C2orf42: variants seen among roughly 807,000 people sequenced by gnomAD.
The protein encoded by C2orf42 is chromosome 2 open reading frame 42.
Under a neutral mutation model 58.9 loss-of-function variants are expected in C2orf42, and 44 were observed. That is an observed-to-expected ratio of 0.75 (90% confidence interval 0.59 to 0.96). The LOEUF (loss-of-function observed/expected upper bound fraction) is 0.96, where lower values mean the gene tolerates loss of function less well. Ranked by LOEUF, C2orf42 falls within the 40% of genes least tolerant of loss-of-function variation. The probability of loss-of-function intolerance (pLI) is 0.00; values close to 1 mark genes in which losing one functional copy is unlikely to be tolerated. For synonymous variants in C2orf42, 239 were observed against 265.4 expected (o/e 0.90, Z 0.97); for missense variants, 630 against 699.2 (o/e 0.90, Z 1.12).
chr2:70,166,525 A>T (rs1673417757), intron 6 of C2orf42, among the ~76,000 whole-genome samples: 1 of 149,002 alleles, frequency 6.7e-6, no homozygotes. Context: ...AAAAAAAAAA[A>T]ATTAGCTGGG....
At chr2:70,156,518 A>T (rs1572969002) in intron 9 of C2orf42, among the ~76,000 whole-genome samples, 2 of 151,992 alleles carry the variant, frequency 1.3e-5, no homozygotes, top group East Asian at 3.9e-4. Context: ...CCATTAAAAC[A>T]GTGTCACAAA....
intron 9 of C2orf42, among the ~76,000 whole-genome samples, chr2:70,156,923 G>A (rs1672713429): frequency 6.6e-6 from 1 of 151,900 alleles, no homozygotes; most frequent in Non-Finnish European, 1.5e-5. Flanking sequence ...GAAAGCTGGT[G>A]TCACTGTTGT....
chr2:70,174,954 G>A (rs1243003841), intron 5 of C2orf42, among the ~76,000 whole-genome samples: 1 of 147,970 alleles, frequency 6.8e-6, no homozygotes, highest in Non-Finnish European at 1.5e-5. Context: ...TTACAGGCGT[G>A]AGCACCGTGC....
chr2:70,152,100 A>G (rs1490489322), intron 9 of C2orf42, among the ~76,000 whole-genome samples: 1 of 151,934 alleles, frequency 6.6e-6, no homozygotes, highest in Non-Finnish European at 1.5e-5. Context: ...TAACTTCACT[A>G]TGTTACTCTC....
At chr2:70,159,591 CAA>C (rs56879530) in intron 9 of C2orf42, among the ~76,000 whole-genome samples, 34 of 109,700 alleles carry the variant, frequency 3.1e-4, no homozygotes, top group African/African-American at 3.1e-4. Flanking sequence ...ACTCCCTCTC[CAA>C]AAAAAAAAAA....
At position 70,181,832 on chromosome 2, in the gene C2orf42, G is replaced by C; in HGVS notation, c.154C>G (p.Arg52Gly). The change falls in exon 3 of 10, where the codon CGC becomes GGC. Residue 52 changes from arginine to glycine, a missense_variant. Transcript: ENST00000264434. ...CKNKTCGTIF[R>G]YGARKQPSVE... ...CTAGGCTGCTTGCGTGCACCGTAGC[G>C]GAATATGGTTCCACATGTCTTGTTC... 1 of 1,614,106 alleles carries C rather than the reference G, an allele frequency of 6.2e-7. No homozygotes were observed. The highest frequency in any genetic ancestry group is 8.5e-7 in the Non-Finnish European group (1 of 1,180,000).
At chr2:70,165,661 C>G (rs1371985884) in intron 6 of C2orf42, 26 bp from the exon 7 acceptor site, 1 of 1,292,726 alleles carries the variant, frequency 7.7e-7, no homozygotes, top group Admixed American at 1.7e-5. Flanking sequence ...AGAAACAACT[C>G]ATTTAAAGAA....
chr2:70,162,701 G>C (rs1673134272), intron 8 of C2orf42, among the ~76,000 whole-genome samples: 1 of 151,874 alleles, frequency 6.6e-6, no homozygotes, highest in Admixed American at 6.6e-5. Flanking sequence ...TTGAACTCCT[G>C]GCCTCAAGCA....
At chr2:70,162,833 A>G (rs550194656) in intron 8 of C2orf42, among the ~76,000 whole-genome samples, 15 of 152,048 alleles carry the variant, frequency 9.9e-5, no homozygotes, top group African/African-American at 3.6e-4. Flanking sequence ...CCTTGCAATT[A>G]AGCTACTCTT....
chr2:70,152,257 G>A (rs551154675), intron 9 of C2orf42, among the ~76,000 whole-genome samples: 15 of 151,906 alleles, frequency 9.9e-5, no homozygotes, highest in Non-Finnish European at 2.2e-4. Context: ...TCATTGGCAG[G>A]GTATTTTGGT....
chr2:70,169,181 T>G (rs537768104), intron 6 of C2orf42, among the ~76,000 whole-genome samples: 1 of 152,112 alleles, frequency 6.6e-6, no homozygotes, highest in South Asian at 2.1e-4. Context: ...TTTTCTCTAA[T>G]CTTTTTTCCC....
At chr2:70,164,090 T>C (rs1006821480) in intron 8 of C2orf42, among the ~76,000 whole-genome samples, 3 of 150,136 alleles carry the variant, frequency 2.0e-5, no homozygotes, top group African/African-American at 4.9e-5. Flanking sequence ...GGCAGACAGA[T>C]TGCTCGAGTC....
At chr2:70,182,533 T>C (rs542893702) in intron 2 of C2orf42, 134 bp downstream of exon 2, 6 of 153,050 alleles carry the variant, frequency 3.9e-5, no homozygotes, top group Admixed American at 3.9e-4. Context: ...TTTAACTCTG[T>C]TCTATATAAC....
At chr2:70,189,683 A>T (rs1032305274) in intron 1 of C2orf42, among the ~76,000 whole-genome samples, 1 of 144,862 alleles carries the variant, frequency 6.9e-6, no homozygotes, top group Non-Finnish European at 1.5e-5. Flanking sequence ...GTGCCACTGC[A>T]CTCCAGCCTG....
At chr2:70,186,664 T>G (rs1022233236) in intron 1 of C2orf42, among the ~76,000 whole-genome samples, 5 of 152,216 alleles carry the variant, frequency 3.3e-5, no homozygotes, top group African/African-American at 1.2e-4. Context: ...GTATGTTTAT[T>G]GCGGCACTAT....
In C2orf42 at chr2:70,181,759, G is replaced by T; in HGVS notation, c.227C>A (p.Ser76Ter). ...AGGGCCCCGGTCTCTTTGCCGCACT[G>T]AGTAGACCTGAAGATCAGAGCCTGT... The part of the protein sequence containing the change: ...IITGSDLQVY[S>*]VRQRDRGPDY... The change falls in exon 3 of 10, where the codon TCA becomes TAA. Residue 76 changes from serine to a stop codon, truncating the protein, a stop_gained. Coordinates refer to ENST00000264434, the MANE Select transcript of C2orf42 (RefSeq NM_017880.3). LOFTEE classifies it high-confidence loss of function. The T allele has an allele frequency of 6.2e-7, 1 of 1,614,126 alleles. No individual in the cohort carries two copies. Among genetic ancestry groups the T allele is most frequent in the Non-Finnish European group, 8.5e-7 (1 of 1,179,994 alleles).
At chr2:70,159,502 C>T (rs918334356) in intron 9 of C2orf42, among the ~76,000 whole-genome samples, 1 of 150,720 alleles carries the variant, frequency 6.6e-6, no homozygotes, top group Non-Finnish European at 1.5e-5. Context: ...GCAGGGGAAT[C>T]GCTTGAATCC....
intron 5 of C2orf42, among the ~76,000 whole-genome samples, chr2:70,170,292 G>T (rs977925413): frequency 6.6e-6 from 1 of 150,544 alleles, no homozygotes; most frequent in African/African-American, 2.4e-5. Flanking sequence ...TGTCGCCCTG[G>T]TTGGGGTGAA....
At position 70,187,784 on chromosome 2, in the gene C2orf42, G is replaced by A. The variant is rs928136250; in HGVS notation, c.-282+3189C>T. 2.6e-5 allele frequency among the ~76,000 whole-genome samples: 4 copies of A among 151,668 alleles called. No homozygotes were observed. In the East Asian group the frequency reaches 5.8e-4, roughly 22 times the overall value. ...CACCTCACTGCAACCTCCGCCTCCCGGGTTCAAGCAATTCTCCTGCCTCAG... is the reference window on the plus strand; with the variant it reads ...CACCTCACTGCAACCTCCGCCTCCCAGGTTCAAGCAATTCTCCTGCCTCAG... On this transcript the variant is annotated intron_variant, in intron 1 of 9. Transcript: ENST00000264434.
Sources: allele counts gnomAD v4.1 joint callset (sites outside exome capture counted in the v4.1 genomes callset), GRCh38; gene constraint gnomAD v4.1.1; transcripts MANE v1.5; gene names NCBI Gene and HGNC (gene_info 2026-07-23, HGNC 2026-07-21).